PPP1R9B: variants seen among roughly 807,000 people sequenced by gnomAD.
PPP1R9B encodes protein phosphatase 1 regulatory subunit 9B.
Under a neutral mutation model 75.8 loss-of-function variants are expected in PPP1R9B, and 17 were observed. The ratio of observed to expected loss-of-function variants is 0.22; its 90% confidence interval spans 0.15 to 0.34. The LOEUF is 0.34. Ranked by LOEUF, PPP1R9B falls within the 10% of genes least tolerant of loss-of-function variation. The probability of loss-of-function intolerance (pLI) is 1.00; values close to 1 mark genes in which losing one functional copy is unlikely to be tolerated. For missense variants in PPP1R9B, 875 were observed against 1,196.0 expected, an observed-to-expected ratio of 0.73 and a Z score of 3.96; for synonymous variants, 509 against 535.4, an observed-to-expected ratio of 0.95 and a Z score of 0.68.
chr17:50,138,296 G>C (rs1912282652), intron 7 of PPP1R9B, among the ~76,000 whole-genome samples: 1 of 152,186 alleles, frequency 6.6e-6, no homozygotes, highest in Non-Finnish European at 1.5e-5. Flanking sequence ...CAGGTGGTCT[G>C]ATCGATGGCC....
intron 7 of PPP1R9B, among the ~76,000 whole-genome samples, chr17:50,137,973 T>C (rs1213701927): frequency 6.6e-6 from 1 of 152,178 alleles, no homozygotes; most frequent in Non-Finnish European, 1.5e-5. Flanking sequence ...CTCCCATGTC[T>C]GCAAGACCCC....
Position 50,139,392 on chromosome 17 carries a change from C to T in PPP1R9B, c.2019+37G>A. ...TGCCAAGGGCAGGAGACCTGCCTGC[C>T]TTTCCCTCCACCACTCCAGGGAGCC... On this transcript the variant is annotated intron_variant, in intron 6 of 9. Transcript: ENST00000612501. This position sits in a 1 kb window ranked among gnomAD's most constrained non-coding sequence, Gnocchi z 5.0. 6.2e-7 allele frequency: 1 copy of T among 1,612,990 alleles called. No homozygotes were observed. The highest frequency in any genetic ancestry group is 8.5e-7 in the Non-Finnish European group (1 of 1,179,298).
In PPP1R9B at chr17:50,142,553, T is replaced by C. The variant is rs1912413493; in HGVS notation, c.1625+1045A>G. Among the ~76,000 whole-genome samples, 1 of 152,020 alleles carries C rather than the reference T, an allele frequency of 6.6e-6. No individual in the cohort carries two copies. The highest frequency in any genetic ancestry group is 1.5e-5 in the Non-Finnish European group (1 of 67,984). On this transcript the variant is annotated intron_variant, in intron 3 of 9. Transcript: ENST00000612501. This position sits in a 1 kb window ranked among gnomAD's most constrained non-coding sequence, Gnocchi z 4.1. ...GGCAGCCCCATCTCTAGAAACAAGA[T>C]CCCAAAGTCACCCAGATCCCAAAGG...
chr17:50,145,809 G>C (rs1326615809), intron 1 of PPP1R9B, among the ~76,000 whole-genome samples: 1 of 152,044 alleles, frequency 6.6e-6, no homozygotes, highest in African/African-American at 2.4e-5. Context: ...CCCAGGACTG[G>C]CTCTGACTTG....
In PPP1R9B at chr17:50,139,243, A is replaced by T; in HGVS notation, c.2073+20T>A. On this transcript the variant is annotated intron_variant, in intron 7 of 9. Coordinates refer to ENST00000612501, the MANE Select transcript of PPP1R9B (RefSeq NM_032595.5). This position sits in a 1 kb window ranked among gnomAD's most constrained non-coding sequence, Gnocchi z 5.0. ...CACACACATGCACGCACGCAAAAGC[A>T]CACACATACGCACCCTTACCTTTCT... is the stretch of plus-strand genomic sequence containing the variant. 1 of 1,614,034 alleles carries T rather than the reference A, an allele frequency of 6.2e-7. No homozygotes were observed. Among genetic ancestry groups the T allele is most frequent in the African/African-American group, 1.3e-5 (1 of 75,072 alleles).
chr17:50,145,382 CCCCTGAGACCCCAGCTCTGA>C, intron 1 of PPP1R9B, 137 bp from the exon 2 acceptor site: 7 of 1,083,808 alleles, frequency 6.5e-6, no homozygotes, highest in Non-Finnish European at 9.6e-6. Flanking sequence ...CTCACCCAGT[CCCCTGAGACCCCAGCTCTGA>C]GCAAAACAAA....
At position 50,142,936 on chromosome 17, in the gene PPP1R9B, C is replaced by T. The variant is rs1435305316; in HGVS notation, c.1625+662G>A. 1.3e-5 allele frequency among the ~76,000 whole-genome samples: 2 copies of T among 152,204 alleles called. No homozygotes were observed. The highest frequency in any genetic ancestry group is 2.4e-5 in the African/African-American group (1 of 41,432). On this transcript the variant is annotated intron_variant, in intron 3 of 9. Coordinates refer to ENST00000612501, the MANE Select transcript of PPP1R9B (RefSeq NM_032595.5). This position sits in a 1 kb window ranked among gnomAD's most constrained non-coding sequence, Gnocchi z 4.1. ...GCTCTCTATGCCCCAGCCACACCTG[C>T]CTGCTCATGGCGCCACTGCCTGGAA... is the stretch of plus-strand genomic sequence containing the variant.
In PPP1R9B at chr17:50,135,930, C is replaced by T. The variant is rs1018504345; in HGVS notation, c.2303+38G>A. ...GACTGTCCCCAAAAGCCTCTCAATG[C>T]TCCCTGGGCCCAGCCCGCCCAGCCC... On this transcript the variant is annotated intron_variant, in intron 8 of 9. Transcript: ENST00000612501. 4.9e-6 allele frequency: 7 copies of T among 1,439,694 alleles called. No individual in the cohort carries two copies. The South Asian group carries it at 5.1e-5, about 10-fold the overall frequency. 89.2% of individuals were successfully genotyped at this position (1,439,694 alleles called of 1,614,324 possible). A position where few individuals can be genotyped will look rare whatever the true frequency, so the allele number is the denominator to read the frequency against.
In PPP1R9B at chr17:50,150,346, G is replaced by A. The variant is rs1024768873; in HGVS notation, c.168C>T (p.Arg56=). ...HHKKYGSNVH[R]IKSMFLQMGT... ...CCATCTGCAGGAACATACTTTTGATGCGGTGGACGTTGGAGCCATATTTCT... is the reference window on the plus strand; with the variant it reads ...CCATCTGCAGGAACATACTTTTGATACGGTGGACGTTGGAGCCATATTTCT... The change falls in exon 1 of 10, where the codon CGC becomes CGT. Residue 56 remains arginine (R), a synonymous_variant. Coordinates refer to ENST00000612501, the MANE Select transcript of PPP1R9B (RefSeq NM_032595.5). This position sits in a 1 kb window ranked among gnomAD's most constrained non-coding sequence, Gnocchi z 8.7. 34 of 1,419,126 alleles carry A rather than the reference G, an allele frequency of 2.4e-5. No homozygotes were observed. The highest frequency in any genetic ancestry group is 3.0e-5 in the Non-Finnish European group (32 of 1,082,672). 87.9% of individuals were successfully genotyped at this position (1,419,126 alleles called of 1,614,324 possible). A position where few individuals can be genotyped will look rare whatever the true frequency, so the allele number is the denominator to read the frequency against.
chr17:50,149,199 C>T lies in PPP1R9B; in HGVS notation c.1315G>A (p.Glu439Lys), dbSNP rs1243427661. ...CGGCTCGGGGCTGGGTCCTCCTCCT[C>T]CGACAGCCCCGGGATCTCCACGCAC... The part of the protein sequence containing the change: ...SGCVEIPGLS[E>K]EEDPAPSRKI... Residue 439 changes from glutamate to lysine, a missense_variant, in exon 1 of 10, where the codon GAG becomes AAG. Physicochemically the swap from Glu to Lys is moderately conservative, Grantham distance 56 (BLOSUM62 1). This residue lies in a region of PPP1R9B where 449 missense variants were observed against 475.0 expected (regional missense o/e 0.95). Coordinates refer to ENST00000612501, the MANE Select transcript of PPP1R9B (RefSeq NM_032595.5). The surrounding 1 kb of genome is among the most constrained non-coding windows in gnomAD (Gnocchi z 7.2). 1 of 1,596,796 alleles carries T rather than the reference C, an allele frequency of 6.3e-7. No homozygotes were observed.
rs909171224 is a variant in PPP1R9B at position 50,135,659 on chromosome 17, G to A, written c.2304-10C>T. ...CAGGAACTCGATCTCCCTGGGCACA[G>A]GCAAGGGACAGATGGCAGGTAAGGG... On this transcript the variant is annotated splice_polypyrimidine_tract_variant and intron_variant, in intron 8 of 9. Transcript: ENST00000612501. 1.9e-6 allele frequency: 3 copies of A among 1,598,002 alleles called. No homozygotes were observed. Among genetic ancestry groups the A allele is most frequent in the Non-Finnish European group, 2.6e-6 (3 of 1,171,630 alleles).
At position 50,135,576 on chromosome 17, in the gene PPP1R9B, C is replaced by T; in HGVS notation, c.2377G>A (p.Glu793Lys). The change falls in exon 9 of 10, where the codon GAG becomes AAG. Residue 793 changes from glutamate (E) to lysine (K), a missense_variant. Physicochemically the swap from Glu to Lys is moderately conservative, Grantham distance 56 (BLOSUM62 1). Transcript: ENST00000612501. ...ACCTTGTCCAGGAGCTTGTCCATCTCCTCCTTTCTGGCCAGCTCCGACTCC... is the reference window on the plus strand; with the variant it reads ...ACCTTGTCCAGGAGCTTGTCCATCTTCTCCTTTCTGGCCAGCTCCGACTCC... ...LEESELARKEEMDKLLDKISE... is the reference protein window; with the variant it reads ...LEESELARKEKMDKLLDKISE... 6.2e-7 allele frequency: 1 copy of T among 1,611,072 alleles called. No homozygotes were observed. The highest frequency in any genetic ancestry group is 8.5e-7 in the Non-Finnish European group (1 of 1,178,560).
At chr17:50,141,672 A>C (rs1022588852) in intron 3 of PPP1R9B, among the ~76,000 whole-genome samples, 9 of 151,652 alleles carry the variant, frequency 5.9e-5, no homozygotes, top group South Asian at 4.2e-4. Context: ...CAAAAAAAAA[A>C]AAAAACAAAA....
At chr17:50,144,346 C>T (rs903170527) in intron 2 of PPP1R9B, among the ~76,000 whole-genome samples, 3 of 152,162 alleles carry the variant, frequency 2.0e-5, no homozygotes, top group Admixed American at 2.0e-4. Context: ...ATGGATTCTA[C>T]CCCTGGAGAT....
At chr17:50,143,912 G>C (rs1393034273) in intron 2 of PPP1R9B, among the ~76,000 whole-genome samples, 194 bp from the exon 3 acceptor site, 1 of 152,222 alleles carries the variant, frequency 6.6e-6, no homozygotes, top group African/African-American at 2.4e-5. Context: ...GCCGCTCCCT[G>C]CCCTTTGTCC....
intron 1 of PPP1R9B, among the ~76,000 whole-genome samples, chr17:50,147,462 T>G (rs377690525): frequency 2.2e-4 from 34 of 152,008 alleles, no homozygotes; most frequent in African/African-American, 8.2e-4. Context: ...CCAGCCACAC[T>G]GGGCCCGCCA....
Position 50,143,689 on chromosome 17 carries a change from C to T in PPP1R9B, c.1534G>A (p.Gly512Ser). 2 of 1,613,956 alleles carry T rather than the reference C, an allele frequency of 1.2e-6. No individual in the cohort carries two copies. The highest frequency in any genetic ancestry group is 1.7e-6 in the Non-Finnish European group (2 of 1,179,880). Residue 512 changes from glycine to serine, a missense_variant, in exon 3 of 10, where the codon GGC becomes AGC. This residue lies in a region of PPP1R9B where 63 missense variants were observed against 160.2 expected (regional missense o/e 0.39). Transcript: ENST00000612501. Reference sequence around the variant, plus strand: ...CCCATGTCTGCCCCGGCGCCCATGCCGATGATGCTGATGCCCAGGCCCTCG... The same window carrying T: ...CCCATGTCTGCCCCGGCGCCCATGCTGATGATGCTGATGCCCAGGCCCTCG... ...DSEGLGISIIGMGAGADMGLE... is the reference protein window; with the variant it reads ...DSEGLGISIISMGAGADMGLE...
chr17:50,136,274 C>T, intron 7 of PPP1R9B, 77 bp from the exon 8 acceptor site: 1 of 1,208,626 alleles, frequency 8.3e-7, no homozygotes, highest in South Asian at 1.4e-5. Context: ...AGCACTGGGG[C>T]CAGAGTCGCC....
intron 1 of PPP1R9B, among the ~76,000 whole-genome samples, chr17:50,148,635 G>A (rs1912583444): frequency 6.6e-6 from 1 of 152,220 alleles, no homozygotes; most frequent in South Asian, 2.1e-4. Context: ...GGCTGCCTGC[G>A]GTCCCCTGCA....
Sources: gnomAD v4.1 joint callset for allele counts (sites outside exome capture counted in the v4.1 genomes callset) on GRCh38, gnomAD v4.1.1 for gene constraint, gnomAD v4.1.1 regional missense constraint, Gnocchi (gnomAD v3.1) non-coding constraint, MANE v1.5 for transcripts, NCBI Gene and HGNC (gene_info 2026-07-23, HGNC 2026-07-21) for gene names.